GNAL: variants seen among roughly 807,000 people sequenced by gnomAD.
GNAL encodes the protein guanine nucleotide-binding protein G(olf) subunit alpha.
GNAL carries 18 observed loss-of-function variants against 55.1 expected under a neutral mutation model. The observed-to-expected ratio is 0.33, with a 90% CI of 0.23 to 0.48. GNAL has a LOEUF of 0.48. Among genes scored for constraint, GNAL ranks in the 20% least tolerant of loss-of-function variants. The probability of loss-of-function intolerance (pLI) is 0.99; values close to 1 mark genes in which losing one functional copy is unlikely to be tolerated. For synonymous variants in GNAL, 253 were observed against 237.0 expected, an observed-to-expected ratio of 1.07 and a Z score of -0.62; for missense variants, 412 against 614.1, an observed-to-expected ratio of 0.67 and a Z score of 3.48.
At position 11,689,333 on chromosome 18, in the gene GNAL, G is replaced by A. The variant is rs1598394605; in HGVS notation, c.-231G>A. 1 of 333,434 alleles carries A rather than the reference G, an allele frequency of 3.0e-6. No individual in the cohort carries two copies. The highest frequency in any genetic ancestry group is 5.4e-6 in the Non-Finnish European group (1 of 184,344). 20.7% of individuals were successfully genotyped at this position (333,434 alleles called of 1,614,324 possible). A position where few individuals can be genotyped will look rare whatever the true frequency, so the allele number is the denominator to read the frequency against. On this transcript the variant is annotated 5_prime_UTR_variant, in exon 1 of 12. Transcript: ENST00000334049. The stretch of plus-strand genomic sequence containing the variant: ...AGGCGGCCGCCACCCCTTGCACACA[G>A]CAGAAAATGCAAAATGACCCTCTGG...
At chr18:11,727,636 T>C (rs979243641) in intron 1 of GNAL, among the ~76,000 whole-genome samples, 1 of 152,214 alleles carries the variant, frequency 6.6e-6, no homozygotes, top group Non-Finnish European at 1.5e-5. Flanking sequence ...ATATTGTACA[T>C]CTCTTGTTTT....
chr18:11,876,110 G>T (rs1265212989), intron 10 of GNAL, among the ~76,000 whole-genome samples: 1 of 152,180 alleles, frequency 6.6e-6, no homozygotes, highest in East Asian at 1.9e-4. Flanking sequence ...AAAACATTGA[G>T]ACCATAGCAC....
chr18:11,867,477 G>A (rs1049435718), intron 8 of GNAL, among the ~76,000 whole-genome samples: 3 of 151,816 alleles, frequency 2.0e-5, no homozygotes, highest in African/African-American at 4.8e-5. Context: ...TCAGGAGTTC[G>A]AGACCAGCCT....
chr18:11,771,128 G>A (rs1014484130), intron 4 of GNAL, among the ~76,000 whole-genome samples: 6 of 151,296 alleles, frequency 4.0e-5, no homozygotes, highest in Non-Finnish European at 4.4e-5. Context: ...TGAGGCAGGA[G>A]AATTGCTTGA....
chr18:11,743,756 A>G (rs1337891377), intron 1 of GNAL, among the ~76,000 whole-genome samples: 1 of 152,248 alleles, frequency 6.6e-6, no homozygotes, highest in Non-Finnish European at 1.5e-5. Context: ...GCAGATTGAA[A>G]CAGATGGGGT....
At chr18:11,851,983 G>A in intron 5 of GNAL, 1 of 1,613,820 alleles carries the variant, frequency 6.2e-7, no homozygotes, top group Non-Finnish European at 8.5e-7. Flanking sequence ...GGAAATGGCA[G>A]ATGAGGCGGG....
chr18:11,879,245 C>G (rs2036604829), intron 11 of GNAL, among the ~76,000 whole-genome samples: 1 of 151,634 alleles, frequency 6.6e-6, no homozygotes, highest in Non-Finnish European at 1.5e-5. Context: ...CTCATGACAT[C>G]TTTAGGATAC....
At chr18:11,762,601 C>A (rs1304225274) in intron 4 of GNAL, among the ~76,000 whole-genome samples, 1 of 152,156 alleles carries the variant, frequency 6.6e-6, no homozygotes, top group Non-Finnish European at 1.5e-5. Flanking sequence ...GACAGTGCTT[C>A]AGGGTGGGTG....
chr18:11,693,112 G>A (rs540414842), intron 1 of GNAL, among the ~76,000 whole-genome samples: 1 of 152,072 alleles, frequency 6.6e-6, no homozygotes, highest in South Asian at 2.1e-4. Flanking sequence ...ACAATATAGT[G>A]TTGTTTTGAT....
chr18:11,854,948 G>T (rs564010493), intron 5 of GNAL, among the ~76,000 whole-genome samples: 1 of 152,012 alleles, frequency 6.6e-6, no homozygotes, highest in Admixed American at 6.6e-5. Context: ...GTTTTGAGAC[G>T]GAGTCTCACT....
Position 11,751,679 on chromosome 18 carries a change from C to T in GNAL, c.377-1174C>T. The T allele has an allele frequency of 2.0e-6, 2 of 984,890 alleles. No individual in the cohort carries two copies. The highest frequency in any genetic ancestry group is 2.4e-6 in the Non-Finnish European group (2 of 829,464). The allele number at this position is 984,890 out of a possible 1,614,324, so 61.0% of individuals were successfully genotyped here. A position where few individuals can be genotyped will look rare whatever the true frequency, so the allele number is the denominator to read the frequency against. ...CGGCCGCGGCGCAGCGGAGGGGCTGCGGGCCCGGAACCCAGGCCGGTCAGC... is the reference window on the plus strand; with the variant it reads ...CGGCCGCGGCGCAGCGGAGGGGCTGTGGGCCCGGAACCCAGGCCGGTCAGC... On this transcript the variant is annotated intron_variant, in intron 1 of 11. Coordinates refer to ENST00000334049, the MANE Select transcript of GNAL (RefSeq NM_182978.4). The surrounding 1 kb of genome is among the most constrained non-coding windows in gnomAD (Gnocchi z 4.5).
intron 4 of GNAL, among the ~76,000 whole-genome samples, chr18:11,801,918 A>C (rs995541969): frequency 1.3e-5 from 2 of 151,974 alleles, no homozygotes; most frequent in African/African-American, 4.8e-5. Context: ...CTGAGTAGGG[A>C]CCTCCTTCAC....
chr18:11,885,310 C>G lies in GNAL; in HGVS notation c.*4175C>G. 3.5e-6 allele frequency: 1 copy of G among 284,396 alleles called. No individual in the cohort carries two copies. 17.6% of individuals were successfully genotyped at this position (284,396 alleles called of 1,614,324 possible). A position where few individuals can be genotyped will look rare whatever the true frequency, so the allele number is the denominator to read the frequency against. On this transcript the variant is annotated 3_prime_UTR_variant, in exon 12 of 12. Transcript: ENST00000334049. ...AAAGCTGCAGCGTTCTCTGCCAGGT[C>G]AAATGGGCATGTTTAGAAAATAAGA...
chr18:11,835,382 C>T (rs928960507), intron 5 of GNAL, among the ~76,000 whole-genome samples: 5 of 151,266 alleles, frequency 3.3e-5, no homozygotes, highest in African/African-American at 1.2e-4. Context: ...ATTTCAGCTA[C>T]TCAGGAGACT....
intron 1 of GNAL, among the ~76,000 whole-genome samples, chr18:11,715,270 T>C (rs936682060): frequency 4.0e-5 from 6 of 148,914 alleles, no homozygotes; most frequent in Admixed American, 6.6e-5. Flanking sequence ...CCATCCTGGC[T>C]AACACGGTGA....
At chr18:11,802,683 C>T (rs1317483372) in intron 4 of GNAL, among the ~76,000 whole-genome samples, 2 of 152,218 alleles carry the variant, frequency 1.3e-5, no homozygotes, top group African/African-American at 2.4e-5. Context: ...TCTTATGAAG[C>T]TGAGTCTCTG....
chr18:11,841,894 T>C (rs531827367), intron 5 of GNAL, among the ~76,000 whole-genome samples: 2 of 152,208 alleles, frequency 1.3e-5, no homozygotes, highest in East Asian at 3.9e-4. Context: ...TAAATGTTTG[T>C]GGAATATACG....
intron 1 of GNAL, among the ~76,000 whole-genome samples, chr18:11,749,866 G>A (rs920700523): frequency 7.9e-5 from 12 of 152,238 alleles, no homozygotes; most frequent in African/African-American, 2.9e-4. Flanking sequence ...GGAACTGAGA[G>A]TGTTAGGAGG....
At chr18:11,815,581 C>CTCCCACCTCCCACCAGTCACAA (rs1223912231) in intron 4 of GNAL, among the ~76,000 whole-genome samples, 1 of 152,140 alleles carries the variant, frequency 6.6e-6, no homozygotes, top group Non-Finnish European at 1.5e-5. Flanking sequence ...ATCCAGTCAC[C>CTCCCACCTCCCACCAGTCACAA]TCCCACCAGG....
Sources: gnomAD v4.1 joint callset for allele counts (sites outside exome capture counted in the v4.1 genomes callset) on GRCh38, gnomAD v4.1.1 for gene constraint, Gnocchi (gnomAD v3.1) non-coding constraint, MANE v1.5 for transcripts, NCBI Gene and HGNC (gene_info 2026-07-23, HGNC 2026-07-21) for gene names.